The following MYT1L variants were observed in gnomAD, a reference collection of about 807,000 sequenced individuals.
MYT1L encodes the protein myelin transcription factor 1-like protein.
MYT1L carries 12 observed loss-of-function variants against 126.7 expected under a neutral mutation model. The observed-to-expected ratio is 0.09, with a 90% CI of 0.06 to 0.15. The LOEUF is 0.15. MYT1L is among the 10% of genes least tolerant of loss of function. The probability of loss-of-function intolerance (pLI) is 1.00; values close to 1 mark genes in which losing one functional copy is unlikely to be tolerated. For missense variants in MYT1L, 979 were observed against 1,585.2 expected, an observed-to-expected ratio of 0.62 and a Z score of 6.49; for synonymous variants, 541 against 604.2, an observed-to-expected ratio of 0.90 and a Z score of 1.53.
At chr2:1,925,298 T>C (rs895613639) in intron 9 of MYT1L, among the ~76,000 whole-genome samples, 2 of 152,212 alleles carry the variant, frequency 1.3e-5, no homozygotes, top group East Asian at 3.9e-4. Context: ...AAAGCCTGTC[T>C]AATCCTCCTT....
chr2:2,165,536 T>C (rs2148473815), intron 3 of MYT1L, among the ~76,000 whole-genome samples: 1 of 152,326 alleles, frequency 6.6e-6, no homozygotes, highest in South Asian at 2.1e-4. Flanking sequence ...AATCATAAAA[T>C]ATACAGAATA....
intron 18 of MYT1L, among the ~76,000 whole-genome samples, chr2:1,881,170 C>G (rs1352386565): frequency 6.6e-6 from 1 of 152,140 alleles, no homozygotes; most frequent in African/African-American, 2.4e-5. Context: ...AAGAAAGATT[C>G]GCAGCAGGGA....
chr2:1,970,799 C>T (rs900552031), intron 8 of MYT1L, among the ~76,000 whole-genome samples: 16 of 152,180 alleles, frequency 1.1e-4, no homozygotes, highest in Admixed American at 2.6e-4. Flanking sequence ...CTGTACTGCA[C>T]GCAAATTTCT....
chr2:1,967,063 C>G (rs984941380), intron 8 of MYT1L, among the ~76,000 whole-genome samples: 4 of 152,052 alleles, frequency 2.6e-5, no homozygotes, highest in African/African-American at 9.7e-5. Context: ...TTTGGTTACA[C>G]GGATGAATTG....
chr2:1,979,206 G>A lies in MYT1L; in HGVS notation c.111C>T (p.Asp37=), dbSNP rs546427673. The part of the protein sequence containing the change: ...ELFSCPTPGC[D]GSGHVSGKYA... Reference sequence around the variant, plus strand: ...ATTTGCCACTGACATGACCACTGCCGTCACAGCCAGGGGTGGGACAGCTGC... The same window carrying A: ...ATTTGCCACTGACATGACCACTGCCATCACAGCCAGGGGTGGGACAGCTGC... Residue 37 remains aspartate, a synonymous_variant, in exon 8 of 25, where the codon GAC becomes GAT. Transcript: ENST00000647738. The surrounding 1 kb of genome is among the most constrained non-coding windows in gnomAD (Gnocchi z 4.0). 138 of 1,613,852 alleles carry A rather than the reference G, an allele frequency of 8.6e-5. No individual in the cohort carries two copies. In the East Asian group the frequency reaches 1.2e-3, roughly 14 times the overall value.
rs1159570404 is a variant in MYT1L at position 1,801,263 on chromosome 2, T to C, written c.3276+433A>G. Reference sequence around the variant, plus strand: ...TGCAGCTGCAAGTCACTGGGGCCACTTCCCCAAATCCCAGACACCCAGGAG... The same window carrying C: ...TGCAGCTGCAAGTCACTGGGGCCACCTCCCCAAATCCCAGACACCCAGGAG... On this transcript the variant is annotated intron_variant, in intron 23 of 24. Transcript: ENST00000647738. This position sits in a 1 kb window ranked among gnomAD's most constrained non-coding sequence, Gnocchi z 4.2. 1.3e-5 allele frequency: 2 copies of C among 155,734 alleles called. No individual in the cohort carries two copies. The highest frequency in any genetic ancestry group is 2.8e-5 in the Non-Finnish European group (2 of 70,682). The allele number at this position is 155,734 out of a possible 1,614,324, so 9.6% of individuals were successfully genotyped here.
At chr2:2,039,939 G>A (rs2067337748) in intron 4 of MYT1L, among the ~76,000 whole-genome samples, 1 of 152,126 alleles carries the variant, frequency 6.6e-6, no homozygotes, top group Admixed American at 6.6e-5. Flanking sequence ...AGGGAACACA[G>A]ACATGACAAA....
chr2:2,272,667 A>G (rs1431576025), intron 2 of MYT1L, among the ~76,000 whole-genome samples: 2 of 152,090 alleles, frequency 1.3e-5, no homozygotes. Flanking sequence ...TTCAACTACG[A>G]ATTTCTCCAT....
intron 3 of MYT1L, among the ~76,000 whole-genome samples, chr2:2,138,422 T>C (rs2083383935): frequency 7.1e-6 from 1 of 140,306 alleles, no homozygotes; most frequent in Admixed American, 7.3e-5. Context: ...CTATTCACAA[T>C]AGCAAAGACT....
intron 22 of MYT1L, 45 bp downstream of exon 22, chr2:1,809,031 G>A (rs763926956): frequency 3.2e-6 from 5 of 1,569,536 alleles, no homozygotes; most frequent in Non-Finnish European, 3.5e-6. Flanking sequence ...GTGCCCGCTG[G>A]GCCTTCCTGA....
At chr2:1,892,341 G>T in intron 14 of MYT1L, 54 bp from the exon 15 acceptor site, 1 of 1,522,812 alleles carries the variant, frequency 6.6e-7, no homozygotes, top group South Asian at 1.3e-5. Context: ...GCACACGGCA[G>T]ACAGCACACG....
At chr2:1,838,315 G>A (rs953116079) in intron 21 of MYT1L, among the ~76,000 whole-genome samples, 10 of 152,152 alleles carry the variant, frequency 6.6e-5, no homozygotes, top group African/African-American at 2.2e-4. Flanking sequence ...AAGGGTCAGA[G>A]TCACCTATTA....
intron 2 of MYT1L, among the ~76,000 whole-genome samples, chr2:2,249,859 C>A (rs2094602075): frequency 6.6e-6 from 1 of 151,894 alleles, no homozygotes; most frequent in Admixed American, 6.6e-5. Context: ...AAAAAATGGG[C>A]AAAAGATTTG....
At chr2:2,079,251 G>C (rs2075554132) in intron 3 of MYT1L, among the ~76,000 whole-genome samples, 1 of 152,050 alleles carries the variant, frequency 6.6e-6, no homozygotes, top group African/African-American at 2.4e-5. Context: ...TAATAAAATT[G>C]ACATAATGAA....
rs566696663 is a variant in MYT1L at position 2,293,307 on chromosome 2, C to G, written c.-520-8804G>C. Among the ~76,000 whole-genome samples, 31 of 152,276 alleles carry G rather than the reference C, an allele frequency of 2.0e-4. 1 individual carries two copies. Among genetic ancestry groups the G allele is most frequent in the Admixed American group, 4.6e-4 (7 of 15,304 alleles). On this transcript the variant is annotated intron_variant, in intron 1 of 24. Transcript: ENST00000647738. ...GCCTGTGTATTCTTAGGGGAACCTGCCAAGTGCACTAAGGAAAAAGGAAGA... is the reference window on the plus strand; with the variant it reads ...GCCTGTGTATTCTTAGGGGAACCTGGCAAGTGCACTAAGGAAAAAGGAAGA...
intron 22 of MYT1L, among the ~76,000 whole-genome samples, chr2:1,804,245 T>G (rs887108300): frequency 3.9e-5 from 6 of 152,150 alleles, no homozygotes; most frequent in African/African-American, 1.4e-4. Context: ...CTCAGCCTCC[T>G]GAGTAGCTGG....
At chr2:2,234,951 G>A (rs1049649419) in intron 2 of MYT1L, among the ~76,000 whole-genome samples, 24 of 152,094 alleles carry the variant, frequency 1.6e-4, no homozygotes, top group Admixed American at 3.9e-4. Context: ...CTTGGCCTGC[G>A]GTCCTTTCCC....
intron 3 of MYT1L, among the ~76,000 whole-genome samples, chr2:2,119,868 T>A (rs369630333): frequency 9.5e-4 from 144 of 152,322 alleles, no homozygotes; most frequent in African/African-American, 3.3e-3. Flanking sequence ...TATTTTTTTT[T>A]AATCATAGCT....
intron 8 of MYT1L, among the ~76,000 whole-genome samples, chr2:1,972,926 T>C (rs901880751): frequency 6.6e-6 from 1 of 152,252 alleles, no homozygotes; most frequent in African/African-American, 2.4e-5. Flanking sequence ...TTGAATGTAC[T>C]ACCAATACCC....
Sources: allele counts gnomAD v4.1 joint callset (sites outside exome capture counted in the v4.1 genomes callset), GRCh38; gene constraint gnomAD v4.1.1; non-coding constraint Gnocchi (gnomAD v3.1); transcripts MANE v1.5; gene names NCBI Gene and HGNC (gene_info 2026-07-23, HGNC 2026-07-21).